Variants in KANSL1L observed in about 807,000 individuals in gnomAD.
KANSL1L encodes the protein KAT8 regulatory NSL complex subunit 1 like, also known as KAT8 regulatory NSL complex subunit 1-like protein.
KANSL1L carries 25 observed loss-of-function variants against 108.6 expected under a neutral mutation model. The ratio of observed to expected loss-of-function variants is 0.23; its 90% confidence interval spans 0.17 to 0.32. The LOEUF is 0.32. Ranked by LOEUF, KANSL1L falls within the 10% of genes least tolerant of loss-of-function variation. The probability of loss-of-function intolerance (pLI) is 1.00; values close to 1 mark genes in which losing one functional copy is unlikely to be tolerated. For missense variants in KANSL1L, 1,137 were observed against 1,125.7 expected (o/e 1.01, Z -0.14); for synonymous variants, 405 against 395.1 (o/e 1.03, Z -0.30).
At chr2:210,031,847 A>G (rs148250298) in intron 8 of KANSL1L, among the ~76,000 whole-genome samples, 1 of 152,054 alleles carries the variant, frequency 6.6e-6, no homozygotes, top group Non-Finnish European at 1.5e-5. Context: ...TGGCGATCAG[A>G]ATCTTTAAGT....
chr2:210,026,339 T>C (rs958674651), intron 12 of KANSL1L: 11 of 152,228 alleles, frequency 7.2e-5, no homozygotes, highest in African/African-American at 2.7e-4. Context: ...TATAATCTTA[T>C]CTTGATATAA....
At chr2:210,115,855 G>A (rs1218180548) in intron 3 of KANSL1L, among the ~76,000 whole-genome samples, 1 of 152,162 alleles carries the variant, frequency 6.6e-6, no homozygotes, top group African/African-American at 2.4e-5. Flanking sequence ...ATGAGAGAGG[G>A]GAGGCAGAAC....
chr2:210,171,987 T>G, upstream of KANSL1L, among the ~76,000 whole-genome samples: 1 of 54,490 alleles, frequency 1.8e-5, no homozygotes. Flanking sequence ...ACTGGGTGGT[T>G]TTATGATTAA....
At chr2:210,162,991 C>T (rs542132077) in intron 1 of KANSL1L, among the ~76,000 whole-genome samples, 2 of 152,290 alleles carry the variant, frequency 1.3e-5, no homozygotes, top group African/African-American at 4.8e-5. Context: ...AGGGCACAGG[C>T]TCATTGAAAG....
intron 1 of KANSL1L, among the ~76,000 whole-genome samples, chr2:210,162,114 C>T (rs1316319482): frequency 6.8e-6 from 1 of 146,046 alleles, no homozygotes; most frequent in Non-Finnish European, 1.5e-5. Flanking sequence ...TATTTTTATC[C>T]AAAACTAATT....
intron 6 of KANSL1L, among the ~76,000 whole-genome samples, chr2:210,064,838 A>T (rs968447118): frequency 6.8e-6 from 1 of 146,122 alleles, no homozygotes; most frequent in Non-Finnish European, 1.5e-5. Context: ...AAAAAAAAAA[A>T]CACAGGAAAA....
intron 6 of KANSL1L, among the ~76,000 whole-genome samples, chr2:210,063,598 CAT>C (rs900465219): frequency 1.3e-5 from 2 of 152,164 alleles, no homozygotes; most frequent in Non-Finnish European, 2.9e-5. Context: ...GGGTGTGAGA[CAT>C]AGAGTCAAAG....
At chr2:210,167,900 G>C (rs1688081600) in intron 1 of KANSL1L, among the ~76,000 whole-genome samples, 1 of 151,858 alleles carries the variant, frequency 6.6e-6, no homozygotes, top group Non-Finnish European at 1.5e-5. Context: ...TTTGCTGGGT[G>C]TTTATCCCAC....
rs762168093 is a variant in KANSL1L at position 210,154,169 on chromosome 2, T to C, written c.414A>G (p.Leu138=). 5.6e-6 allele frequency: 9 copies of C among 1,613,930 alleles called. No homozygotes were observed. Among genetic ancestry groups the C allele is most frequent in the East Asian group, 4.5e-5 (2 of 44,876 alleles). Residue 138 remains leucine (L), a synonymous_variant, in exon 2 of 15, where the codon CTA becomes CTG. Transcript: ENST00000281772. ...TCATGCACTGGCTCGTGGTATCTGA[T>C]AGAGGCTCCTTTTTGATGAACTCTT... The part of the protein sequence containing the change: ...HSEEFIKKEP[L]SDTTSQCMKD...
At chr2:210,150,474 C>G (rs541497059) in intron 2 of KANSL1L, among the ~76,000 whole-genome samples, 13 of 152,118 alleles carry the variant, frequency 8.5e-5, no homozygotes, top group Admixed American at 1.3e-4. Flanking sequence ...AATTGACATG[C>G]CTTTGAGAAG....
chr2:210,049,497 T>A (rs142709998), intron 6 of KANSL1L, among the ~76,000 whole-genome samples: 71 of 152,094 alleles, frequency 4.7e-4, no homozygotes, highest in African/African-American at 1.5e-3. Context: ...GAAAGGTCAC[T>A]CTGACCTTTA....
At chr2:210,129,495 CA>C in intron 2 of KANSL1L, among the ~76,000 whole-genome samples, 1 of 152,162 alleles carries the variant, frequency 6.6e-6, no homozygotes, top group Non-Finnish European at 1.5e-5. Flanking sequence ...AATGACAATG[CA>C]AACACCATGT....
At chr2:210,146,439 C>T (rs534292415) in intron 2 of KANSL1L, among the ~76,000 whole-genome samples, 9 of 152,250 alleles carry the variant, frequency 5.9e-5, no homozygotes, top group African/African-American at 1.9e-4. Context: ...TGATCGTTTC[C>T]GATGATAAAT....
intron 3 of KANSL1L, 64 bp downstream of exon 3, chr2:210,128,967 A>T: frequency 7.9e-7 from 1 of 1,273,660 alleles, no homozygotes; most frequent in Non-Finnish European, 1.1e-6. Context: ...TTTGTGATCA[A>T]ATGAGAAGGA....
chr2:210,064,979 A>G (rs2094453675), intron 6 of KANSL1L, among the ~76,000 whole-genome samples: 1 of 152,184 alleles, frequency 6.6e-6, no homozygotes, highest in Middle Eastern at 3.4e-3. Context: ...TGCCTATGAT[A>G]AAGTATGGAT....
chr2:210,117,842 C>T (rs1380135614), intron 3 of KANSL1L, among the ~76,000 whole-genome samples: 2 of 152,118 alleles, frequency 1.3e-5, no homozygotes, highest in Admixed American at 6.5e-5. Flanking sequence ...TTGATTCATA[C>T]AGCCTAGCAA....
chr2:210,068,524 C>G (rs1392416382), intron 6 of KANSL1L, among the ~76,000 whole-genome samples: 1 of 152,106 alleles, frequency 6.6e-6, no homozygotes, highest in Non-Finnish European at 1.5e-5. Context: ...TCAGCCACCC[C>G]GAGGACATGA....
chr2:210,141,133 C>T (rs2095224109), intron 2 of KANSL1L, among the ~76,000 whole-genome samples: 1 of 150,474 alleles, frequency 6.6e-6, no homozygotes, highest in Non-Finnish European at 1.5e-5. Context: ...CTCCCTCCTT[C>T]CTTCCTCCCT....
rs10203742 is a variant in KANSL1L, at chr2:210,022,819, T to G, written c.*130A>C. 5.2e-4 allele frequency: 357 copies of G among 683,176 alleles called. 2 individuals are homozygous for G. In the African/African-American group the frequency reaches 6.2e-3, roughly 12 times the overall value. The allele number at this position is 683,176 out of a possible 1,614,324, so 42.3% of individuals were successfully genotyped here. A position where few individuals can be genotyped will look rare whatever the true frequency, so the allele number is the denominator to read the frequency against. On this transcript the variant is annotated 3_prime_UTR_variant, in exon 15 of 15. Coordinates refer to ENST00000281772, the MANE Select transcript of KANSL1L (RefSeq NM_152519.4). ...GAAAAACAGACTTATCTTGCCTGTT[T>G]CATAAACAGCATAAAAGATTAATAC...
Sources: gnomAD v4.1 joint callset for allele counts (sites outside exome capture counted in the v4.1 genomes callset) on GRCh38, gnomAD v4.1.1 for gene constraint, MANE v1.5 for transcripts, NCBI Gene and HGNC (gene_info 2026-07-23, HGNC 2026-07-21) for gene names.